Variants in NXPE2 observed in about 807,000 individuals in gnomAD.
The protein encoded by NXPE2 is neurexophilin and PC-esterase domain family member 2, also known as NXPE family member 2.
Under a neutral mutation model 34.4 loss-of-function variants are expected in NXPE2, and 34 were observed. The ratio of observed to expected loss-of-function variants is 0.99; its 90% confidence interval spans 0.75 to 1.31. The LOEUF (loss-of-function observed/expected upper bound fraction) is 1.31. Ranked by LOEUF, NXPE2 falls within the 40% of genes most tolerant of loss-of-function variation. NXPE2 has a pLI of 0.00. For missense variants in NXPE2, 649 were observed against 672.5 expected (o/e 0.97, Z 0.39); for synonymous variants, 235 against 231.3 (o/e 1.02, Z -0.15).
At chr11:114,603,699 A>G in the NXPE2 span, among the ~76,000 whole-genome samples, 1 of 151,700 alleles carries the variant, frequency 6.6e-6, no homozygotes, top group Non-Finnish European at 1.5e-5. Context: ...CTGGGGGATG[A>G]TAAGTATTGC....
At chr11:114,639,947 TAA>T in the NXPE2 span, among the ~76,000 whole-genome samples, 1 of 108,534 alleles carries the variant, frequency 9.2e-6, no homozygotes, top group Non-Finnish European at 1.7e-5. Context: ...AAATATAACA[TAA>T]TAGTTTGTAT....
At chr11:114,577,015 A>ATATATATATACATATATATATATAAAGT in the NXPE2 span, among the ~76,000 whole-genome samples, 1 of 71,990 alleles carries the variant, frequency 1.4e-5, no homozygotes, top group East Asian at 3.4e-4. Context: ...AAAGTTATAT[A>ATATATATATACATATATATATATAAAGT]TATATATATA....
chr11:114,604,932 C>G, the NXPE2 span, among the ~76,000 whole-genome samples: 1 of 151,932 alleles, frequency 6.6e-6, no homozygotes, highest in Non-Finnish European at 1.5e-5. Flanking sequence ...TCTAGGGTAC[C>G]CACTGTTACC....
At chr11:114,781,074 G>C in the NXPE2 span, among the ~76,000 whole-genome samples, 1 of 152,174 alleles carries the variant, frequency 6.6e-6, no homozygotes, top group South Asian at 2.1e-4. Flanking sequence ...CTATATTTTA[G>C]AGAAATAATT....
chr11:114,744,956 C>T, the NXPE2 span, among the ~76,000 whole-genome samples: 1 of 152,010 alleles, frequency 6.6e-6, no homozygotes, highest in East Asian at 1.9e-4. Context: ...TAAGAATATA[C>T]ATTAGCAGTT....
the NXPE2 span, among the ~76,000 whole-genome samples, chr11:114,641,826 G>A: frequency 6.6e-6 from 1 of 152,026 alleles, no homozygotes; most frequent in Non-Finnish European, 1.5e-5. Flanking sequence ...TATCACATCT[G>A]ACACCAGGAA....
At chr11:114,709,108 T>G (rs2135578927), downstream of NXPE2, among the ~76,000 whole-genome samples, 1 of 152,362 alleles carries the variant, frequency 6.6e-6, no homozygotes, top group South Asian at 2.1e-4. Flanking sequence ...AGCCATTAGT[T>G]GCATAGGGCT....
chr11:114,474,140 T>TA, the NXPE2 span, among the ~76,000 whole-genome samples: 2 of 152,150 alleles, frequency 1.3e-5, no homozygotes, highest in African/African-American at 2.4e-5. Context: ...GTAGCCGCCA[T>TA]AAGGAGAGAT....
At chr11:114,606,285 T>A in the NXPE2 span, among the ~76,000 whole-genome samples, 1 of 146,942 alleles carries the variant, frequency 6.8e-6, no homozygotes, top group Non-Finnish European at 1.5e-5. Flanking sequence ...ACCTGGTGGA[T>A]AATAAATGTT....
At chr11:114,731,822 A>G in the NXPE2 span, among the ~76,000 whole-genome samples, 2 of 152,240 alleles carry the variant, frequency 1.3e-5, no homozygotes, top group African/African-American at 4.8e-5. Context: ...GATTATGTCA[A>G]TGTTAACATT....
chr11:114,571,269 A>G, the NXPE2 span: 3 of 1,613,852 alleles, frequency 1.9e-6, no homozygotes, highest in African/African-American at 4.0e-5. Context: ...ATGCTGGCCC[A>G]GGGAAATAAC....
intron 2 of NXPE2, among the ~76,000 whole-genome samples, chr11:114,692,487 G>A (rs1164589932): frequency 6.6e-6 from 1 of 152,166 alleles, no homozygotes. Flanking sequence ...GTGGAATTCT[G>A]TGTGGGTTCC....
At chr11:114,699,816 C>G (rs532702697) in intron 3 of NXPE2, among the ~76,000 whole-genome samples, 1 of 149,744 alleles carries the variant, frequency 6.7e-6, no homozygotes, top group South Asian at 2.1e-4. Flanking sequence ...TTTTTTGAGA[C>G]CGAGTCTCGC....
chr11:114,571,084 G>C, the NXPE2 span: 2 of 1,613,916 alleles, frequency 1.2e-6, no homozygotes, highest in Non-Finnish European at 1.7e-6. Context: ...TTTATGATGA[G>C]ATATTGAATG....
the NXPE2 span, among the ~76,000 whole-genome samples, chr11:114,777,373 T>G: frequency 6.6e-6 from 1 of 152,202 alleles, no homozygotes; most frequent in African/African-American, 2.4e-5. Context: ...TTATTGTATA[T>G]TCTCATGTTT....
chr11:114,494,226 G>T, the NXPE2 span, among the ~76,000 whole-genome samples: 2 of 152,128 alleles, frequency 1.3e-5, no homozygotes, highest in East Asian at 3.9e-4. Flanking sequence ...TTTTGTACTT[G>T]AATATTGATA....
the NXPE2 span, among the ~76,000 whole-genome samples, chr11:114,565,720 A>G: frequency 6.6e-6 from 1 of 152,164 alleles, no homozygotes; most frequent in Non-Finnish European, 1.5e-5. Flanking sequence ...GGAGTTTGGA[A>G]GCCATTACAG....
the NXPE2 span, among the ~76,000 whole-genome samples, chr11:114,753,511 G>T: frequency 6.6e-6 from 1 of 152,110 alleles, no homozygotes; most frequent in Non-Finnish European, 1.5e-5. Context: ...AAAAAGTTAT[G>T]CTGAATATGT....
At chr11:114,766,092 G>A in the NXPE2 span, among the ~76,000 whole-genome samples, 10 of 151,988 alleles carry the variant, frequency 6.6e-5, no homozygotes, top group Non-Finnish European at 1.3e-4. Flanking sequence ...GAATCTTATC[G>A]GATCTTCTGA....
Sources: allele counts gnomAD v4.1 joint callset (sites outside exome capture counted in the v4.1 genomes callset), GRCh38; gene constraint gnomAD v4.1.1; transcripts MANE v1.5; gene names NCBI Gene and HGNC (gene_info 2026-07-23, HGNC 2026-07-21).